The following RPS6KA2 variants were observed in gnomAD, a reference collection of about 807,000 sequenced individuals.
RPS6KA2 encodes ribosomal protein S6 kinase A2.
In RPS6KA2, 42 loss-of-function variants were observed where a neutral mutation model predicts 91.8. The observed-to-expected ratio is 0.46, with a 90% CI of 0.36 to 0.59. The LOEUF (loss-of-function observed/expected upper bound fraction) is 0.59. RPS6KA2 is among the 20% of genes least tolerant of loss of function. The pLI, the probability that RPS6KA2 is intolerant of heterozygous loss-of-function variation, is 0.00. For synonymous variants in RPS6KA2, 414 were observed against 393.6 expected (o/e 1.05, Z -0.61); for missense variants, 798 against 978.5 (o/e 0.82, Z 2.46).
At chr6:166,832,237 T>C (rs9356518) in intron 2 of RPS6KA2, among the ~76,000 whole-genome samples, 103,397 of 152,034 alleles carry the variant, frequency 0.68, 35,279 homozygotes, top group Middle Eastern at 0.75. Flanking sequence ...GGAATTTGCC[T>C]GGCCTGGGAG....
At chr6:166,558,388 CGT>C (rs1562578461) in intron 1 of RPS6KA2, among the ~76,000 whole-genome samples, 340 of 152,296 alleles carry the variant, frequency 2.2e-3, no homozygotes, top group African/African-American at 7.9e-3. Flanking sequence ...GAGGCCTACC[CGT>C]ATCTAGGGGG....
At chr6:166,763,764 G>A (rs1444620042) in intron 2 of RPS6KA2, among the ~76,000 whole-genome samples, 2 of 152,140 alleles carry the variant, frequency 1.3e-5, no homozygotes, top group Non-Finnish European at 1.5e-5. Context: ...TTGTTAGTTC[G>A]CTGTTACAGA....
chr6:166,480,532 T>TGAGA (rs1781176679), intron 10 of RPS6KA2, among the ~76,000 whole-genome samples: 2 of 138,616 alleles, frequency 1.4e-5, no homozygotes, highest in East Asian at 4.0e-4. Context: ...TTTTTTTTTT[T>TGAGA]GAGAGAGAGT....
chr6:166,844,604 G>A (rs187874133), intron 2 of RPS6KA2, among the ~76,000 whole-genome samples: 333 of 152,270 alleles, frequency 2.2e-3, no homozygotes, highest in Admixed American at 3.5e-3. Flanking sequence ...AGAAGGGATC[G>A]GGGTCCTATG....
chr6:166,680,077 A>G (rs1348270071), intron 2 of RPS6KA2, among the ~76,000 whole-genome samples: 1 of 152,182 alleles, frequency 6.6e-6, no homozygotes, highest in Non-Finnish European at 1.5e-5. Context: ...AAACGCACCA[A>G]TCAGCACTCT....
chr6:166,487,099 C>G (rs1437634080), intron 10 of RPS6KA2, among the ~76,000 whole-genome samples: 1 of 152,228 alleles, frequency 6.6e-6, no homozygotes, highest in African/African-American at 2.4e-5. Context: ...TTTATTTGTA[C>G]CCCTTTTACG....
chr6:166,717,863 T>C (rs1293005576), intron 2 of RPS6KA2, among the ~76,000 whole-genome samples: 1 of 152,038 alleles, frequency 6.6e-6, no homozygotes, highest in East Asian at 1.9e-4. Context: ...TCTTTTTTTT[T>C]TTTAGACGGA....
At chr6:166,499,205 G>A (rs1781923390) in intron 7 of RPS6KA2, among the ~76,000 whole-genome samples, 1 of 152,218 alleles carries the variant, frequency 6.6e-6, no homozygotes, top group African/African-American at 2.4e-5. Context: ...GTGCCACAGA[G>A]CAAGGAGGGG....
At chr6:166,485,530 G>A (rs1781378465) in intron 10 of RPS6KA2, among the ~76,000 whole-genome samples, 1 of 152,118 alleles carries the variant, frequency 6.6e-6, no homozygotes, top group South Asian at 2.1e-4. Flanking sequence ...CAATGGAAGG[G>A]ACTCAATTTA....
intron 2 of RPS6KA2, among the ~76,000 whole-genome samples, chr6:166,725,813 C>G (rs57218649): frequency 6.6e-6 from 1 of 152,148 alleles, no homozygotes; most frequent in Non-Finnish European, 1.5e-5. Flanking sequence ...CCAGGTATGC[C>G]GGGCAGGGAG....
At chr6:166,528,889 T>C (rs1192989688) in intron 3 of RPS6KA2, among the ~76,000 whole-genome samples, 3 of 152,244 alleles carry the variant, frequency 2.0e-5, no homozygotes, top group Non-Finnish European at 4.4e-5. Flanking sequence ...TCACAGCAGT[T>C]AGAATGGTGA....
chr6:166,629,733 C>T (rs1787014484), upstream of RPS6KA2, among the ~76,000 whole-genome samples: 1 of 152,156 alleles, frequency 6.6e-6, no homozygotes, highest in African/African-American at 2.4e-5. Flanking sequence ...AGATAAAGAG[C>T]TTGGTAGACC....
intron 2 of RPS6KA2, among the ~76,000 whole-genome samples, chr6:166,681,692 C>CCCCCCCA (rs1788816015): frequency 0.019 from 57 of 3,072 alleles, no homozygotes; most frequent in Non-Finnish European, 0.032. Context: ...CCCTGCCCGC[C>CCCCCCCA]CCCCCCCCCG....
rs1331510699 is a variant in RPS6KA2 at position 166,445,448 on chromosome 6, G to A, written c.1332+3276C>T. On this transcript the variant is annotated intron_variant, in intron 14 of 20. Coordinates refer to ENST00000265678, the MANE Select transcript of RPS6KA2 (RefSeq NM_021135.6). The surrounding 1 kb of genome is among the most constrained non-coding windows in gnomAD (Gnocchi z 4.5). ...CAACCTTTCGTTGGGGCAGCAGGTT[G>A]TGGGGGCTGTCCTGTGCACACAGGA... 1.3e-5 allele frequency among the ~76,000 whole-genome samples: 2 copies of A among 152,214 alleles called. No individual in the cohort carries two copies. The highest frequency in any genetic ancestry group is 4.8e-5 in the African/African-American group (2 of 41,458).
intron 2 of RPS6KA2, among the ~76,000 whole-genome samples, chr6:166,705,897 G>A (rs1480608239): frequency 6.6e-6 from 1 of 152,136 alleles, no homozygotes; most frequent in African/African-American, 2.4e-5. Flanking sequence ...GGGTCTGGGA[G>A]GTGATTAGGT....
At chr6:166,714,862 A>G (rs1314200382) in intron 2 of RPS6KA2, among the ~76,000 whole-genome samples, 1 of 152,078 alleles carries the variant, frequency 6.6e-6, no homozygotes, top group Non-Finnish European at 1.5e-5. Flanking sequence ...TCCCAGGCAA[A>G]TTTTTGTCAG....
intron 2 of RPS6KA2, among the ~76,000 whole-genome samples, chr6:166,638,365 A>C (rs1442228765): frequency 6.6e-6 from 1 of 152,252 alleles, no homozygotes; most frequent in Non-Finnish European, 1.5e-5. Flanking sequence ...AGATTTGATA[A>C]GCTTAAGGAG....
At chr6:166,470,918 A>G (rs1780743077) in intron 10 of RPS6KA2, among the ~76,000 whole-genome samples, 1 of 152,224 alleles carries the variant, frequency 6.6e-6, no homozygotes, top group Non-Finnish European at 1.5e-5. Flanking sequence ...GGACGGCCAC[A>G]GAGGAGCCCA....
intron 1 of RPS6KA2, among the ~76,000 whole-genome samples, chr6:166,589,498 G>T (rs111805812): frequency 1.3e-5 from 2 of 152,252 alleles, no homozygotes; most frequent in Admixed American, 6.5e-5. Context: ...CCGACAGGAG[G>T]GACTGTACCC....
Sources: allele counts gnomAD v4.1 joint callset (sites outside exome capture counted in the v4.1 genomes callset), GRCh38; gene constraint gnomAD v4.1.1; non-coding constraint Gnocchi (gnomAD v3.1); transcripts MANE v1.5; gene names NCBI Gene and HGNC (gene_info 2026-07-23, HGNC 2026-07-21).